BAIAP2: variants seen among roughly 807,000 people sequenced by gnomAD.
BAIAP2 encodes BAR/IMD domain-containing adapter protein 2.
In BAIAP2, 18 loss-of-function variants were observed where a neutral mutation model predicts 63.0. That is an observed-to-expected ratio of 0.29 (90% CI 0.20 to 0.42). BAIAP2 has a LOEUF of 0.42. BAIAP2 is among the 10% of genes least tolerant of loss of function. The probability of loss-of-function intolerance (pLI) is 1.00; values close to 1 mark genes in which losing one functional copy is unlikely to be tolerated. For synonymous variants in BAIAP2, 386 were observed against 307.6 expected (o/e 1.25, Z -2.67); for missense variants, 610 against 734.3 (o/e 0.83, Z 1.96).
At chr17:81,057,804 A>G in intron 2 of BAIAP2, 77 bp from the exon 3 acceptor site, 1 of 1,540,072 alleles carries the variant, frequency 6.5e-7, no homozygotes, top group Non-Finnish European at 8.8e-7. Flanking sequence ...TGTGCGTGCC[A>G]AGACTGCCGT....
intron 13 of BAIAP2, among the ~76,000 whole-genome samples, chr17:81,115,273 A>G (rs2060399632): frequency 6.6e-6 from 1 of 152,146 alleles, no homozygotes; most frequent in African/African-American, 2.4e-5. Context: ...GCCCTGCGGG[A>G]GCCGTGAGCC....
chr17:81,087,382 C>CGTGTGTCTGCGTGTGT (rs1183479294), intron 6 of BAIAP2: 1 of 152,186 alleles, frequency 6.6e-6, no homozygotes, highest in East Asian at 1.9e-4. Context: ...TGCCCGTGTG[C>CGTGTGTCTGCGTGTGT]GTGTGTCTGC....
intron 1 of BAIAP2, among the ~76,000 whole-genome samples, chr17:81,045,835 G>A (rs559043898): frequency 1.3e-5 from 2 of 152,266 alleles, no homozygotes; most frequent in East Asian, 1.9e-4. Flanking sequence ...AGGCCACGCC[G>A]AAGCTGCCCT....
Position 81,115,414 on chromosome 17 carries a change from G to A in BAIAP2, c.1536-356G>A, listed in dbSNP as rs1305873543. On this transcript the variant is annotated intron_variant, in intron 13 of 13. Coordinates refer to ENST00000428708, the MANE Select transcript of BAIAP2 (RefSeq NM_001144888.2). ...TGTGTGCCCGGTTCAGGCCTGTCTT[G>A]AATCCCCAGCCTCAGTGGTGATGTC... is the stretch of plus-strand genomic sequence containing the variant. Among the ~76,000 whole-genome samples the A allele has an allele frequency of 2.0e-5, 3 of 152,358 alleles. No individual in the cohort carries two copies. In the East Asian group the frequency reaches 5.8e-4, roughly 29 times the overall value.
chr17:81,096,655 T>A (rs574924156), intron 6 of BAIAP2, among the ~76,000 whole-genome samples: 69 of 152,330 alleles, frequency 4.5e-4, no homozygotes, highest in African/African-American at 1.6e-3. Flanking sequence ...CCTTTGATCC[T>A]GAAGGTCAGG....
chr17:81,060,984 C>T (rs140089573), intron 3 of BAIAP2, among the ~76,000 whole-genome samples: 7,638 of 152,192 alleles, frequency 0.05, 281 homozygotes, highest in Admixed American at 0.11. Context: ...ATTAGCCGGG[C>T]GTGGTGGCAT....
chr17:81,057,972 G>GGGGGGCCCCCCC lies in BAIAP2; in HGVS notation c.217+5_217+6insGGGGGCCCCCCC. ...GCCAGGGCTCCAAAGAACTCGGTGA[G>GGGGGGCCCCCCC]ACCCCCCCCCCCCCCCCGCCTGGTA... is the stretch of plus-strand genomic sequence containing the variant. On this transcript the variant is annotated splice_donor_region_variant and intron_variant, in intron 3 of 13. Coordinates refer to ENST00000428708, the MANE Select transcript of BAIAP2 (RefSeq NM_001144888.2). 1 of 911,326 alleles carries GGGGGGCCCCCCC rather than the reference G, an allele frequency of 1.1e-6. No individual in the cohort carries two copies. The highest frequency in any genetic ancestry group is 1.5e-6 in the Non-Finnish European group (1 of 674,552). The allele number at this position is 911,326 out of a possible 1,614,324, so 56.5% of individuals were successfully genotyped here. A position where few individuals can be genotyped will look rare whatever the true frequency, so the allele number is the denominator to read the frequency against.
At chr17:81,036,983 G>C in intron 1 of BAIAP2, 2 of 1,529,380 alleles carry the variant, frequency 1.3e-6, no homozygotes, top group Non-Finnish European at 1.8e-6. Flanking sequence ...GAGTGGTTTT[G>C]CTCTGGGGGA....
chr17:81,068,198 G>T (rs1411112131), intron 3 of BAIAP2, among the ~76,000 whole-genome samples: 1 of 152,222 alleles, frequency 6.6e-6, no homozygotes, highest in Non-Finnish European at 1.5e-5. Flanking sequence ...GGCGGCCTCT[G>T]CTCCTGTTTG....
At chr17:81,062,619 T>C (rs1287499695) in intron 3 of BAIAP2, among the ~76,000 whole-genome samples, 1 of 152,086 alleles carries the variant, frequency 6.6e-6, no homozygotes, top group Non-Finnish European at 1.5e-5. Flanking sequence ...GAGCCCCGTG[T>C]TTTCTGGGTC....
chr17:81,104,258 C>CGT, intron 9 of BAIAP2, 150 bp downstream of exon 9: 1 of 923,570 alleles, frequency 1.1e-6, no homozygotes, highest in Non-Finnish European at 1.6e-6. Context: ...GGTACACACA[C>CGT]GTGTGCCTGC....
chr17:81,102,795 C>T lies in BAIAP2; in HGVS notation c.643-707C>T, dbSNP rs116955348. On this transcript the variant is annotated intron_variant, in intron 7 of 13. Transcript: ENST00000428708. ...TGCCAGAGACATAGCAGTTCTGGCC[C>T]ACAGCTTAAGGGTCTGGGGGTCCCG... 5.7e-4 allele frequency among the ~76,000 whole-genome samples: 87 copies of T among 152,316 alleles called. 1 individual carries two copies. The East Asian group carries it at 0.016, about 28-fold the overall frequency.
At chr17:81,035,416 C>A in intron 1 of BAIAP2, 108 bp downstream of exon 1, 1 of 592,754 alleles carries the variant, frequency 1.7e-6, no homozygotes, top group Non-Finnish European at 2.1e-6. Context: ...CGCGCCGGGC[C>A]AGGAGGCTGG....
intron 10 of BAIAP2, 103 bp from the exon 11 acceptor site, chr17:81,105,974 CA>C: frequency 1.0e-6 from 1 of 982,712 alleles, no homozygotes; most frequent in South Asian, 1.5e-5. Flanking sequence ...GACAGCCGCG[CA>C]GCCATGCTGG....
intron 3 of BAIAP2, among the ~76,000 whole-genome samples, chr17:81,067,396 T>TC (rs2051688242): frequency 6.6e-6 from 1 of 152,188 alleles, no homozygotes; most frequent in South Asian, 2.1e-4. Flanking sequence ...CGGGGGGGCC[T>TC]CATGGTGGGC....
chr17:81,110,850 C>A, intron 13 of BAIAP2: 1 of 1,603,980 alleles, frequency 6.2e-7, no homozygotes, highest in African/African-American at 1.3e-5. Context: ...GGTCCCCCCT[C>A]CTCTGCACCC....
At position 81,115,765 on chromosome 17, in the gene BAIAP2, T is replaced by C; in HGVS notation, c.1536-5T>C. 6.2e-7 allele frequency: 1 copy of C among 1,613,548 alleles called. No homozygotes were observed. Among genetic ancestry groups the C allele is most frequent in the Admixed American group, 1.7e-5 (1 of 60,020 alleles). On this transcript the variant is annotated splice_region_variant and splice_polypyrimidine_tract_variant and intron_variant, in intron 13 of 13. Transcript: ENST00000428708. ...AAAAATTAAAACCACGTTTTTCTCTTTCAGGAATCCCTTTGCCCACGTCCA... is the reference window on the plus strand; with the variant it reads ...AAAAATTAAAACCACGTTTTTCTCTCTCAGGAATCCCTTTGCCCACGTCCA...
chr17:81,065,837 C>T (rs933539728), intron 3 of BAIAP2, among the ~76,000 whole-genome samples: 6 of 152,220 alleles, frequency 3.9e-5, no homozygotes, highest in East Asian at 3.9e-4. Flanking sequence ...AAGAGGGTCA[C>T]GTAGCTGCCC....
chr17:81,082,235 G>A (rs779696615), intron 3 of BAIAP2, among the ~76,000 whole-genome samples: 11 of 152,160 alleles, frequency 7.2e-5, no homozygotes, highest in African/African-American at 1.4e-4. Flanking sequence ...ATGCTCACCC[G>A]CATAAGCACA....
Sources: gnomAD v4.1 joint callset for allele counts (sites outside exome capture counted in the v4.1 genomes callset) on GRCh38, gnomAD v4.1.1 for gene constraint, MANE v1.5 for transcripts, NCBI Gene and HGNC (gene_info 2026-07-23, HGNC 2026-07-21) for gene names.